CSGALNACT1: variants seen among roughly 807,000 people sequenced by gnomAD.
CSGALNACT1 encodes beta4GalNAcT-1.
In CSGALNACT1, 52 loss-of-function variants were observed where a neutral mutation model predicts 51.0. The ratio of observed to expected loss-of-function variants is 1.02; its 90% CI spans 0.82 to 1.29. CSGALNACT1 has a LOEUF of 1.29. Among genes scored for constraint, CSGALNACT1 ranks in the 50% most tolerant of loss-of-function variants. The pLI, the probability that CSGALNACT1 is intolerant of heterozygous loss-of-function variation, is 0.00. For missense variants in CSGALNACT1, 935 were observed against 679.2 expected (o/e 1.38, Z -4.19); for synonymous variants, 341 against 254.4 (o/e 1.34, Z -3.24).
intron 1 of CSGALNACT1, among the ~76,000 whole-genome samples, chr8:19,641,599 A>T (rs1204869948): frequency 2.6e-5 from 4 of 152,162 alleles, no homozygotes; most frequent in Non-Finnish European, 5.9e-5. Flanking sequence ...CACTCAACAT[A>T]CCTTTTTAAA....
intron 1 of CSGALNACT1, among the ~76,000 whole-genome samples, chr8:19,652,597 C>G (rs2057911045): frequency 6.6e-6 from 1 of 152,096 alleles, no homozygotes; most frequent in African/African-American, 2.4e-5. Flanking sequence ...ATACAGACAC[C>G]ACAAAACATA....
intron 1 of CSGALNACT1, among the ~76,000 whole-genome samples, chr8:19,722,808 G>T (rs2063198859): frequency 6.6e-6 from 1 of 152,194 alleles, no homozygotes; most frequent in South Asian, 2.1e-4. Flanking sequence ...GAATTAACAT[G>T]TTGGGGACCA....
chr8:19,604,695 CAGG>C (rs1348132370), upstream of CSGALNACT1, among the ~76,000 whole-genome samples: 2 of 148,950 alleles, frequency 1.3e-5, no homozygotes, highest in Admixed American at 6.7e-5. Context: ...ATCACAATGT[CAGG>C]AGATCAAGAC....
intron 1 of CSGALNACT1, among the ~76,000 whole-genome samples, chr8:19,636,839 G>C (rs2056131977): frequency 6.6e-6 from 1 of 152,132 alleles, no homozygotes; most frequent in African/African-American, 2.4e-5. Flanking sequence ...CAAAATCCTT[G>C]AGACAATTGT....
chr8:19,483,626 T>C (rs1198831059), intron 4 of CSGALNACT1, among the ~76,000 whole-genome samples: 1 of 152,214 alleles, frequency 6.6e-6, no homozygotes, highest in African/African-American at 2.4e-5. Context: ...GTGGATCTGA[T>C]GGCCTTCCTT....
intron 1 of CSGALNACT1, among the ~76,000 whole-genome samples, chr8:19,610,266 G>T (rs2052034585): frequency 7.1e-6 from 1 of 140,254 alleles, no homozygotes; most frequent in African/African-American, 2.9e-5. Flanking sequence ...CTCCATCCTG[G>T]GCGACAGAGT....
At chr8:19,745,857 T>G (rs2064625691) in intron 1 of CSGALNACT1, among the ~76,000 whole-genome samples, 1 of 152,134 alleles carries the variant, frequency 6.6e-6, no homozygotes, top group Non-Finnish European at 1.5e-5. Context: ...ATTAGGGGTT[T>G]ATATAGCAGG....
Position 19,447,097 on chromosome 8 carries a change from G to A in CSGALNACT1, c.852-7166C>T, listed in dbSNP as rs112553643. Among the ~76,000 whole-genome samples the A allele has an allele frequency of 7.2e-3, 1,095 of 152,300 alleles. 10 individuals are homozygous for A. Among genetic ancestry groups the A allele is most frequent in the Non-Finnish European group, 0.011 (739 of 68,028 alleles). On this transcript the variant is annotated intron_variant, in intron 5 of 9. Transcript: ENST00000454498. Reference sequence around the variant, plus strand: ...CTGCACGCCTGCCCTGTGGAGGGCCGTTGTTCGTAGCCTTAGCATACAGGT... The same window carrying A: ...CTGCACGCCTGCCCTGTGGAGGGCCATTGTTCGTAGCCTTAGCATACAGGT...
chr8:19,608,795 T>C (rs1470772236), intron 1 of CSGALNACT1, among the ~76,000 whole-genome samples: 1 of 152,188 alleles, frequency 6.6e-6, no homozygotes, highest in Non-Finnish European at 1.5e-5. Flanking sequence ...GGTGACACTG[T>C]GATAGATGAA....
chr8:19,704,009 C>G, intron 1 of CSGALNACT1, among the ~76,000 whole-genome samples: 1 of 152,146 alleles, frequency 6.6e-6, no homozygotes, highest in East Asian at 1.9e-4. Context: ...CTCTTCCAGC[C>G]CCACTCAGTA....
intron 1 of CSGALNACT1, among the ~76,000 whole-genome samples, chr8:19,667,040 G>GAAGGAAGGAAGAAAGAAAGAAAGA (rs1564386938): frequency 2.9e-5 from 1 of 34,970 alleles, no homozygotes; most frequent in African/African-American, 1.5e-4. Context: ...AGGAAGGAAG[G>GAAGGAAGGAAGAAAGAAAGAAAGA]AAGAAAGAAA....
chr8:19,628,856 G>C (rs571253023), intron 1 of CSGALNACT1, among the ~76,000 whole-genome samples: 2 of 152,090 alleles, frequency 1.3e-5, no homozygotes, highest in East Asian at 1.9e-4. Flanking sequence ...TCAACAATAT[G>C]GGGGGAGGAA....
At chr8:19,593,604 T>C (rs1446251938) in intron 2 of CSGALNACT1, among the ~76,000 whole-genome samples, 1 of 152,228 alleles carries the variant, frequency 6.6e-6, no homozygotes, top group Admixed American at 6.5e-5. Context: ...TTTGTTCTTT[T>C]GAGGAAGTCT....
intron 3 of CSGALNACT1, among the ~76,000 whole-genome samples, chr8:19,572,819 C>T (rs560271204): frequency 6.6e-6 from 1 of 152,196 alleles, no homozygotes; most frequent in South Asian, 2.1e-4. Flanking sequence ...TCATGAACAT[C>T]CACAAAACAC....
intron 8 of CSGALNACT1, among the ~76,000 whole-genome samples, chr8:19,413,910 A>T (rs2056380927): frequency 6.6e-6 from 1 of 152,172 alleles, no homozygotes; most frequent in Non-Finnish European, 1.5e-5. Flanking sequence ...ACCATGTGCC[A>T]GGTTCTGGGG....
At chr8:19,439,154 TATTC>T (rs2060888238) in intron 6 of CSGALNACT1, among the ~76,000 whole-genome samples, 1 of 152,262 alleles carries the variant, frequency 6.6e-6, no homozygotes, top group African/African-American at 2.4e-5. Flanking sequence ...GGGGATTACT[TATTC>T]ATTTATTTTT....
chr8:19,412,650 G>A (rs1168674991), intron 8 of CSGALNACT1, among the ~76,000 whole-genome samples: 3 of 152,186 alleles, frequency 2.0e-5, no homozygotes. Flanking sequence ...AGCTGCACAG[G>A]GCCCCCATAC....
intron 1 of CSGALNACT1, among the ~76,000 whole-genome samples, chr8:19,747,568 G>A (rs2064758094): frequency 6.6e-6 from 1 of 152,182 alleles, no homozygotes. Context: ...GACCCAAAAT[G>A]TTGAACCAGC....
intron 1 of CSGALNACT1, among the ~76,000 whole-genome samples, chr8:19,729,612 C>T (rs1589730443): frequency 6.6e-6 from 1 of 152,196 alleles, no homozygotes. Context: ...CTCACCAAGG[C>T]CAATTGAAAG....
Sources: allele counts gnomAD v4.1 joint callset (sites outside exome capture counted in the v4.1 genomes callset), GRCh38; gene constraint gnomAD v4.1.1; transcripts MANE v1.5; gene names NCBI Gene and HGNC (gene_info 2026-07-23, HGNC 2026-07-21).